The following ITGA8 variants were observed in gnomAD, a reference collection of about 807,000 sequenced individuals.
ITGA8 encodes the protein integrin alpha-8.
Under a neutral mutation model 142.3 loss-of-function variants are expected in ITGA8, and 91 were observed. The ratio of observed to expected loss-of-function variants is 0.64; its 90% CI spans 0.54 to 0.76. ITGA8 has a LOEUF of 0.76. Among genes scored for constraint, ITGA8 ranks in the 30% least tolerant of loss-of-function variants. The probability of loss-of-function intolerance (pLI) is 0.00; values close to 1 mark genes in which losing one functional copy is unlikely to be tolerated. For missense variants in ITGA8, 1,406 were observed against 1,327.7 expected (o/e 1.06, Z -0.92); for synonymous variants, 505 against 485.2 (o/e 1.04, Z -0.54).
At chr10:15,547,885 G>A (rs1227780512) in intron 27 of ITGA8, among the ~76,000 whole-genome samples, 1 of 152,060 alleles carries the variant, frequency 6.6e-6, no homozygotes, top group Non-Finnish European at 1.5e-5. Flanking sequence ...CCAACACTGG[G>A]TATATAACAG....
chr10:15,517,541 G>A (rs1832986061), intron 29 of ITGA8, among the ~76,000 whole-genome samples: 3 of 152,054 alleles, frequency 2.0e-5, no homozygotes, highest in Non-Finnish European at 4.4e-5. Flanking sequence ...CCAGGCTGGT[G>A]TTGAACTCCT....
chr10:15,661,547 C>A (rs995472774), intron 8 of ITGA8, among the ~76,000 whole-genome samples: 1 of 152,192 alleles, frequency 6.6e-6, no homozygotes, highest in Non-Finnish European at 1.5e-5. Context: ...GTCTTCATTA[C>A]GAGTCTCTCT....
At chr10:15,611,484 C>T (rs1437812331) in intron 15 of ITGA8, 1 of 139,932 alleles carries the variant, frequency 7.1e-6, no homozygotes, top group Non-Finnish European at 1.5e-5. Flanking sequence ...TAAAACCAAA[C>T]AGAACTCTTT....
chr10:15,657,510 AT>A (rs34510305), intron 10 of ITGA8, among the ~76,000 whole-genome samples: 12,565 of 132,088 alleles, frequency 0.095, 769 homozygotes, highest in East Asian at 0.29. Context: ...CTTTTCTTTC[AT>A]TTTTTTTTTT....
At chr10:15,529,186 G>A (rs369585135) in intron 28 of ITGA8, among the ~76,000 whole-genome samples, 1 of 152,268 alleles carries the variant, frequency 6.6e-6, no homozygotes, top group East Asian at 1.9e-4. Context: ...CAGGGCTCAA[G>A]TGATCCTCCC....
intron 27 of ITGA8, among the ~76,000 whole-genome samples, chr10:15,532,418 C>CAA (rs35130036): frequency 7.2e-5 from 2 of 27,822 alleles, no homozygotes; most frequent in East Asian, 1.3e-3. Flanking sequence ...GACTCCCTCT[C>CAA]AAAAAAAAAA....
At chr10:15,569,631 C>G (rs1834143722) in intron 25 of ITGA8, among the ~76,000 whole-genome samples, 1 of 152,172 alleles carries the variant, frequency 6.6e-6, no homozygotes, top group Admixed American at 6.5e-5. Context: ...GTTGCCCAGG[C>G]TGACCTCAAA....
At chr10:15,620,415 C>G (rs1318558192) in intron 13 of ITGA8, among the ~76,000 whole-genome samples, 1 of 152,094 alleles carries the variant, frequency 6.6e-6, no homozygotes, top group Non-Finnish European at 1.5e-5. Flanking sequence ...GGACACCCTC[C>G]CAACGGTAAT....
rs1835530190 is a variant in ITGA8, at chr10:15,719,824, C to T, written c.-53G>A. ...ACCCAGGAGCGCGAGCCGAGGACCC[C>T]TGCGGGGCAAGGGGGGCTGGTGGAA... On this transcript the variant is annotated 5_prime_UTR_variant, in exon 1 of 30. Coordinates refer to ENST00000378076, the MANE Select transcript of ITGA8 (RefSeq NM_003638.3). The T allele has an allele frequency of 3.2e-6, 4 of 1,267,090 alleles. No individual in the cohort carries two copies. 78.5% of individuals were successfully genotyped at this position (1,267,090 alleles called of 1,614,324 possible).
Position 15,606,913 on chromosome 10 carries a change from G to A in ITGA8, c.1765-491C>T, listed in dbSNP as rs1033752691. Reference sequence around the variant, plus strand: ...TCAGAACACCTTCAGGATATTTGAAGTTCTTTTGGAAAAAGAAACAGAACT... The same window carrying A: ...TCAGAACACCTTCAGGATATTTGAAATTCTTTTGGAAAAAGAAACAGAACT... On this transcript the variant is annotated intron_variant, in intron 17 of 29. Transcript: ENST00000378076. Among the ~76,000 whole-genome samples, 8 of 152,246 alleles carry A rather than the reference G, an allele frequency of 5.3e-5. No homozygotes were observed. In the South Asian group the frequency reaches 6.2e-4, roughly 12 times the overall value.
intron 8 of ITGA8, 23 bp downstream of exon 8, chr10:15,671,580 T>A: frequency 6.2e-7 from 1 of 1,600,476 alleles, no homozygotes; most frequent in Non-Finnish European, 8.6e-7. Flanking sequence ...TATAAGTGAT[T>A]TAAACTCAAC....
At chr10:15,603,189 G>A (rs1242489381) in intron 20 of ITGA8, among the ~76,000 whole-genome samples, 2 of 152,102 alleles carry the variant, frequency 1.3e-5, no homozygotes, top group African/African-American at 4.8e-5. Context: ...GAGACTAGAA[G>A]TGTGAATAGA....
At chr10:15,589,804 C>A (rs1363602646) in intron 22 of ITGA8, among the ~76,000 whole-genome samples, 1 of 148,876 alleles carries the variant, frequency 6.7e-6, no homozygotes. Flanking sequence ...ACTCTATCAC[C>A]CTGACTGGAG....
chr10:15,647,746 G>A (rs578171879), intron 11 of ITGA8, among the ~76,000 whole-genome samples: 44 of 152,240 alleles, frequency 2.9e-4, no homozygotes, highest in African/African-American at 1.0e-3. Flanking sequence ...ACAGGCGTGA[G>A]CCACCGCGCC....
At chr10:15,632,595 C>G (rs12572662) in intron 13 of ITGA8, among the ~76,000 whole-genome samples, 2 of 152,200 alleles carry the variant, frequency 1.3e-5, no homozygotes, top group Middle Eastern at 3.4e-3. Flanking sequence ...AGAAGCAGGT[C>G]GGTATTTCAG....
At chr10:15,627,110 G>T (rs1268192041) in intron 13 of ITGA8, among the ~76,000 whole-genome samples, 2 of 152,090 alleles carry the variant, frequency 1.3e-5, no homozygotes, top group African/African-American at 2.4e-5. Context: ...ACACTCCCCT[G>T]CCTTCCAGCT....
intron 9 of ITGA8, among the ~76,000 whole-genome samples, chr10:15,660,445 C>T (rs899986647): frequency 3.3e-5 from 5 of 152,194 alleles, no homozygotes; most frequent in Admixed American, 1.3e-4. Context: ...GGAAGAACCC[C>T]TTCATAAAGG....
At chr10:15,686,401 C>T (rs1834833479) in intron 3 of ITGA8, among the ~76,000 whole-genome samples, 1 of 152,188 alleles carries the variant, frequency 6.6e-6, no homozygotes, top group Admixed American at 6.6e-5. Context: ...CATCATGAAG[C>T]ATTCACTTGT....
At chr10:15,629,444 T>C (rs1588685436) in intron 13 of ITGA8, among the ~76,000 whole-genome samples, 1 of 152,122 alleles carries the variant, frequency 6.6e-6, no homozygotes, top group South Asian at 2.1e-4. Context: ...TGTTATCTTA[T>C]ATGAAAGGCA....
Sources: gnomAD v4.1 joint callset for allele counts (sites outside exome capture counted in the v4.1 genomes callset) on GRCh38, gnomAD v4.1.1 for gene constraint, MANE v1.5 for transcripts, NCBI Gene and HGNC (gene_info 2026-07-23, HGNC 2026-07-21) for gene names.